The following FOXN3 variants were observed in gnomAD, a reference collection of about 807,000 sequenced individuals.
The protein encoded by FOXN3 is forkhead box protein N3.
FOXN3 carries 7 observed loss-of-function variants against 38.4 expected under a neutral mutation model. That is an observed-to-expected ratio of 0.18 (90% confidence interval 0.10 to 0.34). The LOEUF is 0.34. Ranked by LOEUF, FOXN3 falls within the 10% of genes least tolerant of loss-of-function variation. The pLI, the probability that FOXN3 is intolerant of heterozygous loss-of-function variation, is 1.00. For synonymous variants in FOXN3, 230 were observed against 242.2 expected (o/e 0.95, Z 0.47); for missense variants, 456 against 613.4 (o/e 0.74, Z 2.71).
At chr14:89,338,601 C>A (rs185450890) in intron 3 of FOXN3, among the ~76,000 whole-genome samples, 42 of 152,268 alleles carry the variant, frequency 2.8e-4, no homozygotes, top group African/African-American at 9.6e-4. Flanking sequence ...CAAGACCAGC[C>A]TGGCCAACAT....
chr14:89,483,417 T>C lies in FOXN3; in HGVS notation c.-14-70927A>G, dbSNP rs547791018. Among the ~76,000 whole-genome samples the C allele has an allele frequency of 1.1e-3, 167 of 152,184 alleles. 1 individual carries two copies. The highest frequency in any genetic ancestry group is 3.9e-3 in the African/African-American group (161 of 41,526). On this transcript the variant is annotated intron_variant, in intron 1 of 6. Coordinates refer to the FOXN3 transcript ENST00000345097. Reference sequence around the variant, plus strand: ...TACTAAGCCCCTGAGATGTGGGGTGTACTTTTTTTAAGACAGAGTCTCACT... The same window carrying C: ...TACTAAGCCCCTGAGATGTGGGGTGCACTTTTTTTAAGACAGAGTCTCACT...
At chr14:89,425,584 C>T (rs1362067117) in intron 1 of FOXN3, among the ~76,000 whole-genome samples, 2 of 149,214 alleles carry the variant, frequency 1.3e-5, no homozygotes, top group African/African-American at 5.0e-5. Context: ...ACGCTGGTCT[C>T]GAACTCCTGA....
chr14:89,433,922 ATTT>A (rs35711478), intron 1 of FOXN3, among the ~76,000 whole-genome samples: 217 of 108,934 alleles, frequency 2.0e-3, no homozygotes, highest in African/African-American at 6.2e-3. Flanking sequence ...TTTTATCAGA[ATTT>A]TTTTTTTTTT....
intron 4 of FOXN3, among the ~76,000 whole-genome samples, chr14:89,232,971 A>AACAAAAAAT (rs1884863160): frequency 6.6e-6 from 1 of 152,320 alleles, no homozygotes; most frequent in Non-Finnish European, 1.5e-5. Flanking sequence ...TCATAGTAAC[A>AACAAAAAAT]ACAAAAAATA....
At chr14:89,328,207 G>A (rs1888131695) in intron 3 of FOXN3, among the ~76,000 whole-genome samples, 1 of 152,240 alleles carries the variant, frequency 6.6e-6, no homozygotes, top group Non-Finnish European at 1.5e-5. Flanking sequence ...CAGGAAACCT[G>A]GCTCAGTCAT....
intron 5 of FOXN3, among the ~76,000 whole-genome samples, chr14:89,165,625 T>C (rs1304887086): frequency 6.6e-6 from 1 of 152,208 alleles, no homozygotes; most frequent in East Asian, 1.9e-4. Flanking sequence ...GGCTGTGTCT[T>C]GGGTGCATAA....
intron 2 of FOXN3, among the ~76,000 whole-genome samples, chr14:89,377,301 G>C (rs1325839054): frequency 7.0e-6 from 1 of 143,718 alleles, no homozygotes; most frequent in Non-Finnish European, 1.5e-5. Context: ...ATCTTCACTG[G>C]ATGCTGGTAA....
chr14:89,363,320 T>C (rs926327631), intron 2 of FOXN3, among the ~76,000 whole-genome samples: 1 of 152,112 alleles, frequency 6.6e-6, no homozygotes, highest in Non-Finnish European at 1.5e-5. Flanking sequence ...GTTCCCAGGG[T>C]CATGTGTCTC....
At chr14:89,363,301 G>A (rs1889952133) in intron 2 of FOXN3, among the ~76,000 whole-genome samples, 1 of 152,146 alleles carries the variant, frequency 6.6e-6, no homozygotes, top group African/African-American at 2.4e-5. Context: ...ACCCCTGCAT[G>A]GGGTCCAAGT....
chr14:89,163,817 C>T lies in FOXN3; in HGVS notation c.852-848G>A, dbSNP rs1426490634. Among the ~76,000 whole-genome samples the T allele has an allele frequency of 6.6e-6, 1 of 152,226 alleles. No individual in the cohort carries two copies. The highest frequency in any genetic ancestry group is 1.9e-4 in the East Asian group (1 of 5,202). On this transcript the variant is annotated intron_variant, in intron 5 of 5. Transcript: ENST00000557258. This position sits in a 1 kb window ranked among gnomAD's most constrained non-coding sequence, Gnocchi z 4.3. Reference sequence around the variant, plus strand: ...GTACTTAAAGTCACACAACTGATCACTTGCGGAGCAGGGACTGGAATCAAA... The same window carrying T: ...GTACTTAAAGTCACACAACTGATCATTTGCGGAGCAGGGACTGGAATCAAA...
At chr14:89,551,950 C>A (rs1895013051) in intron 1 of FOXN3, among the ~76,000 whole-genome samples, 1 of 152,156 alleles carries the variant, frequency 6.6e-6, no homozygotes, top group South Asian at 2.1e-4. Flanking sequence ...AAGCTGGGAA[C>A]CCAGAGATTC....
chr14:89,329,855 C>CAAAAAAAAAAAAAAA (rs57791098), intron 3 of FOXN3, among the ~76,000 whole-genome samples: 5 of 59,866 alleles, frequency 8.4e-5, no homozygotes, highest in African/African-American at 3.0e-4. Flanking sequence ...GACTCAGTCT[C>CAAAAAAAAAAAAAAA]AAAAAAAAAA....
intron 4 of FOXN3, among the ~76,000 whole-genome samples, chr14:89,192,344 G>T (rs1887976793): frequency 6.9e-6 from 1 of 145,020 alleles, no homozygotes; most frequent in South Asian, 2.1e-4. Flanking sequence ...ATAGTTATAT[G>T]TAATAGTATA....
At chr14:89,598,166 A>G (rs1413193417) in intron 1 of FOXN3, among the ~76,000 whole-genome samples, 1 of 152,174 alleles carries the variant, frequency 6.6e-6, no homozygotes, top group African/African-American at 2.4e-5. Context: ...ACTACAAGGA[A>G]CTTAGAATGA....
At position 89,162,595 on chromosome 14, in the gene FOXN3, G is replaced by C. The variant is rs1162018282; in HGVS notation, c.1226C>G (p.Pro409Arg). The C allele has an allele frequency of 1.9e-6, 3 of 1,613,682 alleles. No homozygotes were observed. Among genetic ancestry groups the C allele is most frequent in the Non-Finnish European group, 2.5e-6 (3 of 1,179,962 alleles). Residue 409 changes from proline (P) to arginine (R), a missense_variant, in exon 6 of 6, where the codon CCC becomes CGC. This residue lies in a region of FOXN3 where 386 missense variants were observed against 505.2 expected (regional missense o/e 0.76). Transcript: ENST00000557258. The surrounding 1 kb of genome is among the most constrained non-coding windows in gnomAD (Gnocchi z 7.2). ...RQHFAKARKV[P>R]SDTLPLKKRR... is the part of the protein sequence containing the mutation. ...CTTTTTGAGGGGCAGTGTGTCGCTG[G>C]GGACCTTCCTGGCCTTGGCGAAGTG...
chr14:89,321,354 GATCAC>G (rs1795712633), intron 3 of FOXN3, among the ~76,000 whole-genome samples: 1 of 152,050 alleles, frequency 6.6e-6, no homozygotes, highest in African/African-American at 2.4e-5. Flanking sequence ...GAGACGGGTG[GATCAC>G]GAGGTTGGGA....
At chr14:89,204,052 T>TACACACACACACAC (rs10559428) in intron 4 of FOXN3, among the ~76,000 whole-genome samples, 1 of 133,676 alleles carries the variant, frequency 7.5e-6, no homozygotes, top group Non-Finnish European at 1.6e-5. Flanking sequence ...CATACTCCCT[T>TACACACACACACAC]ACACACACAC....
intron 4 of FOXN3, among the ~76,000 whole-genome samples, chr14:89,280,669 C>T (rs1021502367): frequency 5.9e-5 from 9 of 152,098 alleles, no homozygotes; most frequent in African/African-American, 1.9e-4. Context: ...ATCACCAAAG[C>T]AAGCCGAACA....
At chr14:89,190,233 T>C (rs1360200348) in intron 4 of FOXN3, 4 of 570,636 alleles carry the variant, frequency 7.0e-6, no homozygotes, top group African/African-American at 5.7e-5. Context: ...TTTATATGCA[T>C]ATGCATGTAA....
Sources: gnomAD v4.1 joint callset for allele counts (sites outside exome capture counted in the v4.1 genomes callset) on GRCh38, gnomAD v4.1.1 for gene constraint, gnomAD v4.1.1 regional missense constraint, Gnocchi (gnomAD v3.1) non-coding constraint, MANE v1.5 for transcripts, NCBI Gene and HGNC (gene_info 2026-07-23, HGNC 2026-07-21) for gene names.